The following ELMO1 variants were observed in gnomAD, a reference collection of about 807,000 sequenced individuals.
ELMO1 encodes engulfment and cell motility protein 1.
In ELMO1, 26 loss-of-function variants were observed where a neutral mutation model predicts 98.9. The ratio of observed to expected loss-of-function variants is 0.26; its 90% CI spans 0.19 to 0.36. ELMO1 has a LOEUF of 0.36. Ranked by LOEUF, ELMO1 falls within the 10% of genes least tolerant of loss-of-function variation. ELMO1 has a pLI of 1.00. For missense variants in ELMO1, 627 were observed against 935.2 expected (o/e 0.67, Z 4.30); for synonymous variants, 346 against 346.0 (o/e 1.00, Z 0.00).
chr7:37,231,447 G>A (rs1415116999), intron 8 of ELMO1, among the ~76,000 whole-genome samples: 2 of 152,114 alleles, frequency 1.3e-5, no homozygotes, highest in Admixed American at 6.5e-5. Flanking sequence ...GCCCATGAAA[G>A]GATGCACTGA....
chr7:37,148,472 A>T (rs1199842130), intron 13 of ELMO1, among the ~76,000 whole-genome samples: 1 of 152,220 alleles, frequency 6.6e-6, no homozygotes, highest in Non-Finnish European at 1.5e-5. Context: ...TCGCCACTTC[A>T]TTATTTTGAA....
intron 15 of ELMO1, among the ~76,000 whole-genome samples, chr7:37,091,180 T>A (rs984141158): frequency 6.6e-6 from 1 of 152,170 alleles, no homozygotes; most frequent in African/African-American, 2.4e-5. Flanking sequence ...CAATATCGAC[T>A]CACTGCAACC....
chr7:37,164,613 G>A (rs1789504532), intron 13 of ELMO1, among the ~76,000 whole-genome samples: 1 of 152,166 alleles, frequency 6.6e-6, no homozygotes, highest in African/African-American at 2.4e-5. Context: ...CCTATTTCTT[G>A]TTTTTCTCAG....
intron 15 of ELMO1, among the ~76,000 whole-genome samples, chr7:37,085,412 T>C (rs7785477): frequency 0.042 from 6,387 of 152,302 alleles, 398 homozygotes; most frequent in African/African-American, 0.14. Context: ...CATTTCATCA[T>C]CTTTTCAGTG....
chr7:36,901,568 A>C (rs1287781434), intron 16 of ELMO1, among the ~76,000 whole-genome samples: 1 of 152,252 alleles, frequency 6.6e-6, no homozygotes, highest in Non-Finnish European at 1.5e-5. Context: ...GTAGCTTGCC[A>C]ATGCCTAGTG....
At chr7:37,302,392 G>A (rs557126682) in intron 4 of ELMO1, among the ~76,000 whole-genome samples, 2 of 152,046 alleles carry the variant, frequency 1.3e-5, no homozygotes, top group African/African-American at 2.4e-5. Context: ...AGGTCATAAC[G>A]AGCCATGCAG....
intron 13 of ELMO1, among the ~76,000 whole-genome samples, chr7:37,168,400 A>G (rs1789885564): frequency 6.6e-6 from 1 of 152,126 alleles, no homozygotes; most frequent in African/African-American, 2.4e-5. Context: ...CCTTTGGAGG[A>G]GACAGAGGTG....
chr7:36,963,758 T>C (rs898229036), intron 16 of ELMO1, among the ~76,000 whole-genome samples: 11 of 152,246 alleles, frequency 7.2e-5, no homozygotes, highest in African/African-American at 2.7e-4. Flanking sequence ...GCAGAACACC[T>C]GTGTCCCAGA....
At chr7:36,911,119 G>C (rs1784314500) in intron 16 of ELMO1, among the ~76,000 whole-genome samples, 1 of 152,142 alleles carries the variant, frequency 6.6e-6, no homozygotes, top group Non-Finnish European at 1.5e-5. Context: ...GTGCTGTGGA[G>C]AAAGGGATCT....
At chr7:37,372,136 A>C (rs1198485520) in intron 1 of ELMO1, among the ~76,000 whole-genome samples, 2 of 152,192 alleles carry the variant, frequency 1.3e-5, no homozygotes, top group Non-Finnish European at 2.9e-5. Context: ...TCAGTTAAAA[A>C]AAAAAAGATA....
intron 5 of ELMO1, among the ~76,000 whole-genome samples, chr7:37,267,730 C>T (rs769902519): frequency 2.6e-5 from 4 of 152,202 alleles, no homozygotes; most frequent in Non-Finnish European, 4.4e-5. Flanking sequence ...CACATACATG[C>T]ACAGACATTA....
intron 1 of ELMO1, among the ~76,000 whole-genome samples, chr7:37,352,660 C>G (rs1358845458): frequency 6.6e-6 from 1 of 152,112 alleles, no homozygotes; most frequent in Non-Finnish European, 1.5e-5. Context: ...GCAGAGAAAA[C>G]TTTCCGTTAG....
At chr7:37,256,758 AAGG>A (rs1314116334) in intron 6 of ELMO1, among the ~76,000 whole-genome samples, 160 of 115,814 alleles carry the variant, frequency 1.4e-3, no homozygotes, top group Middle Eastern at 4.5e-3. Context: ...AAGGGAAGGG[AAGG>A]GAGAAGGGAG....
At chr7:37,195,645 C>T (rs928944977) in intron 13 of ELMO1, among the ~76,000 whole-genome samples, 1 of 152,220 alleles carries the variant, frequency 6.6e-6, no homozygotes, top group Non-Finnish European at 1.5e-5. Context: ...AAGAACTGTA[C>T]CTCCTCCCAG....
intron 16 of ELMO1, among the ~76,000 whole-genome samples, chr7:36,993,345 G>A (rs1325772364): frequency 6.6e-6 from 1 of 152,154 alleles, no homozygotes; most frequent in African/African-American, 2.4e-5. Flanking sequence ...GTCACACAAT[G>A]AATATCAGCA....
chr7:37,048,874 G>A (rs1340061960), intron 15 of ELMO1, among the ~76,000 whole-genome samples: 2 of 152,148 alleles, frequency 1.3e-5, no homozygotes, highest in Non-Finnish European at 2.9e-5. Context: ...TGTATTTGCT[G>A]AAAGGGGTTG....
At chr7:37,017,089 C>T (rs573580737) in intron 15 of ELMO1, among the ~76,000 whole-genome samples, 21 of 152,322 alleles carry the variant, frequency 1.4e-4, no homozygotes, top group African/African-American at 4.6e-4. Flanking sequence ...CCTCCTACTA[C>T]TTGTGGCTTA....
chr7:37,022,067 A>G (rs1020197386), intron 15 of ELMO1, among the ~76,000 whole-genome samples: 1 of 152,256 alleles, frequency 6.6e-6, no homozygotes, highest in Admixed American at 6.5e-5. Context: ...GAAGAAATGA[A>G]TTATGACTCC....
At chr7:37,322,693 C>A (rs56101470) in intron 2 of ELMO1, among the ~76,000 whole-genome samples, 412 of 151,474 alleles carry the variant, frequency 2.7e-3, no homozygotes, top group Non-Finnish European at 5.0e-3. Context: ...GTAACAGCTA[C>A]TTGGGAGGCT....
Sources: gnomAD v4.1 joint callset for allele counts (sites outside exome capture counted in the v4.1 genomes callset) on GRCh38, gnomAD v4.1.1 for gene constraint, MANE v1.5 for transcripts, NCBI Gene and HGNC (gene_info 2026-07-23, HGNC 2026-07-21) for gene names.